The following ADAM10 variants were observed in gnomAD, a reference collection of about 807,000 sequenced individuals.
ADAM10 encodes ADAM metallopeptidase domain 10, also known as disintegrin and metalloproteinase domain-containing protein 10.
A neutral mutation model predicts 90.1 loss-of-function variants in ADAM10; 17 were observed. That is an observed-to-expected ratio of 0.19 (90% CI 0.13 to 0.28). The LOEUF is 0.28. Ranked by LOEUF, ADAM10 falls within the 10% of genes least tolerant of loss-of-function variation. The probability of loss-of-function intolerance (pLI) is 1.00; values close to 1 mark genes in which losing one functional copy is unlikely to be tolerated. For synonymous variants in ADAM10, 310 were observed against 298.6 expected (o/e 1.04, Z -0.40); for missense variants, 610 against 914.3 (o/e 0.67, Z 4.29).
intron 11 of ADAM10, among the ~76,000 whole-genome samples, chr15:58,614,708 A>AC (rs1895552098): frequency 6.6e-6 from 1 of 152,224 alleles, no homozygotes; most frequent in Non-Finnish European, 1.5e-5. Flanking sequence ...GAAATTCATC[A>AC]CCACTAGACT....
chr15:58,602,444 T>C (rs1183037800), intron 14 of ADAM10, among the ~76,000 whole-genome samples: 1 of 152,074 alleles, frequency 6.6e-6, no homozygotes, highest in African/African-American at 2.4e-5. Flanking sequence ...GTGTTCCCCA[T>C]CCCACACCTT....
chr15:58,591,967 T>TG lies in ADAM10; in HGVS notation c.*5579_*5580insC, dbSNP rs1248727150. On this transcript the variant is annotated 3_prime_UTR_variant, in exon 16 of 16. Coordinates refer to ENST00000260408, the MANE Select transcript of ADAM10 (RefSeq NM_001110.4). ...TAGCTCTTAAGTCTCCTTTAACCCA[T>TG]CGTTGTCTTTTCTCTTTGCATTTCT... 1.3e-5 allele frequency: 2 copies of TG among 152,214 alleles called. No individual in the cohort carries two copies. Among genetic ancestry groups the TG allele is most frequent in the Admixed American group, 6.5e-5 (1 of 15,276 alleles). The allele number at this position is 152,214 out of a possible 1,614,324, so 9.4% of individuals were successfully genotyped here.
intron 1 of ADAM10, among the ~76,000 whole-genome samples, chr15:58,721,076 TAAAAC>T (rs1367845699): frequency 6.6e-6 from 1 of 152,228 alleles, no homozygotes. Flanking sequence ...TTTGATAACT[TAAAAC>T]AATAACTATT....
At chr15:58,666,356 A>T (rs1897083170) in intron 4 of ADAM10, among the ~76,000 whole-genome samples, 4 of 151,560 alleles carry the variant, frequency 2.6e-5, no homozygotes, top group Admixed American at 2.0e-4. Context: ...CTGAAGCTGA[A>T]TGAGGCTAAA....
intron 5 of ADAM10, among the ~76,000 whole-genome samples, chr15:58,655,633 T>C (rs191845007): frequency 7.5e-6 from 1 of 133,144 alleles, no homozygotes. Flanking sequence ...TTAAATCCTC[T>C]TGCTGAACTG....
At chr15:58,706,646 T>A (rs1475827079) in intron 2 of ADAM10, among the ~76,000 whole-genome samples, 1 of 151,618 alleles carries the variant, frequency 6.6e-6, no homozygotes, top group Non-Finnish European at 1.5e-5. Flanking sequence ...AAGGAACAGG[T>A]CTGCAGAGGA....
intron 11 of ADAM10, among the ~76,000 whole-genome samples, chr15:58,617,822 T>C (rs544476344): frequency 7.0e-6 from 1 of 142,358 alleles, no homozygotes; most frequent in East Asian, 2.1e-4. Context: ...GTAAGTTTAA[T>C]AAACGCAAGG....
intron 1 of ADAM10, chr15:58,733,043 G>T (rs766103536): frequency 2.0e-5 from 3 of 152,302 alleles, no homozygotes; most frequent in African/African-American, 4.8e-5. Flanking sequence ...TTCACACAGA[G>T]AAAGGCCTTA....
At chr15:58,709,436 G>A (rs1898403940) in intron 2 of ADAM10, among the ~76,000 whole-genome samples, 2 of 152,046 alleles carry the variant, frequency 1.3e-5, no homozygotes, top group Non-Finnish European at 2.9e-5. Flanking sequence ...TAGAAACTCT[G>A]GCATTAAAAA....
Position 58,593,149 on chromosome 15 carries a change from A to ATTTTTTTTTTTTTTTTTTTTTT in ADAM10, c.*4376_*4397dup, listed in dbSNP as rs766149223. On this transcript the variant is annotated 3_prime_UTR_variant, in exon 16 of 16. Coordinates refer to ENST00000260408, the MANE Select transcript of ADAM10 (RefSeq NM_001110.4). ...AAAGTAACAAAGGCCAGGTACTCAA[A>ATTTTTTTTTTTTTTTTTTTTTT]TTTTTTTTTTTTTTTTTTTTTTTTT... The ATTTTTTTTTTTTTTTTTTTTTT allele has an allele frequency of 2.9e-5, 2 of 68,402 alleles. No homozygotes were observed. Among genetic ancestry groups the ATTTTTTTTTTTTTTTTTTTTTT allele is most frequent in the Admixed American group, 2.1e-4 (1 of 4,714 alleles). 4.2% of individuals were successfully genotyped at this position (68,402 alleles called of 1,614,324 possible).
In ADAM10 at chr15:58,640,961, C is replaced by A; in HGVS notation, c.829-1G>T. The A allele has an allele frequency of 6.2e-7, 1 of 1,613,144 alleles. No homozygotes were observed. Among genetic ancestry groups the A allele is most frequent in the Non-Finnish European group, 8.5e-7 (1 of 1,179,188 alleles). The stretch of plus-strand genomic sequence containing the variant: ...CCTTCTCATCAGCAGTTGTATTGAT[C>A]TAAAATCCAAAACAATAATTTAGTA... On this transcript the variant is annotated splice_acceptor_variant, in intron 7 of 15. Coordinates refer to ENST00000260408, the MANE Select transcript of ADAM10 (RefSeq NM_001110.4). LOFTEE classifies it high-confidence loss of function.
chr15:58,692,598 T>C (rs1332733942), intron 2 of ADAM10: 1 of 556,764 alleles, frequency 1.8e-6, no homozygotes, highest in Non-Finnish European at 3.6e-6. Context: ...GCTTCTTCAC[T>C]ACTTCTTTGA....
chr15:58,733,392 A>G (rs1899321649), intron 1 of ADAM10, among the ~76,000 whole-genome samples: 1 of 152,126 alleles, frequency 6.6e-6, no homozygotes, highest in Non-Finnish European at 1.5e-5. Flanking sequence ...TCTGCTGTGG[A>G]TTTCCAGAGG....
Position 58,597,529 on chromosome 15 carries a change from C to A in ADAM10, c.*18G>T. ...TTCCCATTGTAGGCACTAGGAAGAA[C>A]CAAGGCAAAAGCTGCAGTTAGCGTC... On this transcript the variant is annotated 3_prime_UTR_variant, in exon 16 of 16. Transcript: ENST00000260408. 1 of 1,613,974 alleles carries A rather than the reference C, an allele frequency of 6.2e-7. No individual in the cohort carries two copies. The highest frequency in any genetic ancestry group is 1.1e-5 in the South Asian group (1 of 91,058).
intron 10 of ADAM10, among the ~76,000 whole-genome samples, chr15:58,625,431 G>T (rs964909515): frequency 6.6e-6 from 1 of 152,130 alleles, no homozygotes; most frequent in Non-Finnish European, 1.5e-5. Flanking sequence ...AGCCACCAGA[G>T]AAATGCAAAT....
chr15:58,628,089 G>A (rs1278163547), intron 9 of ADAM10, among the ~76,000 whole-genome samples: 12 of 152,144 alleles, frequency 7.9e-5, no homozygotes, highest in African/African-American at 2.9e-4. Flanking sequence ...GAAAATCAGT[G>A]GAGGTCTAGC....
At chr15:58,655,687 T>TATAGTATATATATATAC (rs57182110) in intron 5 of ADAM10, among the ~76,000 whole-genome samples, 1 of 80,306 alleles carries the variant, frequency 1.2e-5, no homozygotes, top group African/African-American at 6.3e-5. Context: ...CATATATATA[T>TATAGTATATATATATAC]TATATATAGT....
intron 1 of ADAM10, among the ~76,000 whole-genome samples, chr15:58,741,371 C>T (rs1899608682): frequency 6.6e-6 from 1 of 152,128 alleles, no homozygotes; most frequent in Non-Finnish European, 1.5e-5. Flanking sequence ...TCTCTATCTC[C>T]ACTCCAAATT....
At chr15:58,691,352 C>G in intron 2 of ADAM10, 1 of 1,004,486 alleles carries the variant, frequency 1.0e-6, no homozygotes. Context: ...CATCAATGGG[C>G]TCACTCATAT....
Sources: gnomAD v4.1 joint callset for allele counts (sites outside exome capture counted in the v4.1 genomes callset) on GRCh38, gnomAD v4.1.1 for gene constraint, MANE v1.5 for transcripts, NCBI Gene and HGNC (gene_info 2026-07-23, HGNC 2026-07-21) for gene names.